TMEM132D: variants seen among roughly 807,000 people sequenced by gnomAD.
TMEM132D encodes transmembrane protein 132D.
In TMEM132D, 21 loss-of-function variants were observed where a neutral mutation model predicts 62.3. The ratio of observed to expected loss-of-function variants is 0.34; its 90% confidence interval spans 0.24 to 0.49. The LOEUF (loss-of-function observed/expected upper bound fraction) is 0.49, where lower values mean the gene tolerates loss of function less well. Among genes scored for constraint, TMEM132D ranks in the 20% least tolerant of loss-of-function variants. TMEM132D has a pLI of 0.99. For synonymous variants in TMEM132D, 621 were observed against 575.6 expected (o/e 1.08, Z -1.13); for missense variants, 1,346 against 1,402.8 (o/e 0.96, Z 0.65).
chr12:129,774,487 A>G (rs1182643536), intron 1 of TMEM132D, among the ~76,000 whole-genome samples: 1 of 152,110 alleles, frequency 6.6e-6, no homozygotes, highest in Non-Finnish European at 1.5e-5. Context: ...CATCTCCATC[A>G]AGCAGGTGGG....
At chr12:129,407,529 T>C (rs911888681) in intron 3 of TMEM132D, among the ~76,000 whole-genome samples, 33 of 152,320 alleles carry the variant, frequency 2.2e-4, no homozygotes, top group African/African-American at 7.0e-4. Context: ...TAATAGATAC[T>C]AAATTATTAA....
At chr12:129,534,593 T>C (rs1876327417) in intron 2 of TMEM132D, among the ~76,000 whole-genome samples, 1 of 152,156 alleles carries the variant, frequency 6.6e-6, no homozygotes, top group Non-Finnish European at 1.5e-5. Context: ...ATCTCTTTCC[T>C]GGATAGCAGT....
chr12:129,659,545 A>T (rs1028876216), intron 2 of TMEM132D, among the ~76,000 whole-genome samples: 2 of 152,116 alleles, frequency 1.3e-5, no homozygotes, highest in Non-Finnish European at 2.9e-5. Context: ...AAAAGTTGTT[A>T]TTTTGTGAAT....
chr12:129,352,480 T>C (rs570447527), intron 3 of TMEM132D, among the ~76,000 whole-genome samples: 4 of 150,742 alleles, frequency 2.7e-5, no homozygotes, highest in Admixed American at 2.0e-4. Context: ...GGCAACCTAC[T>C]GAATGGGAGA....
intron 1 of TMEM132D, among the ~76,000 whole-genome samples, chr12:129,743,882 C>T (rs1202189857): frequency 1.3e-5 from 2 of 152,174 alleles, no homozygotes; most frequent in African/African-American, 4.8e-5. Context: ...AGATTTTCCC[C>T]TTGAGCTTCC....
chr12:129,628,321 T>C (rs10773688), intron 2 of TMEM132D, among the ~76,000 whole-genome samples: 31,182 of 152,106 alleles, frequency 0.21, 3,914 homozygotes, highest in Admixed American at 0.28. Flanking sequence ...GTGTGCTGAG[T>C]TTCTGAGTGA....
chr12:129,461,824 A>G (rs138198474), intron 3 of TMEM132D, among the ~76,000 whole-genome samples: 196 of 152,192 alleles, frequency 1.3e-3, no homozygotes, highest in African/African-American at 4.6e-3. Context: ...AGGTACATAG[A>G]TAGAGAAATA....
rs1880792138 is a variant in TMEM132D, at chr12:129,269,416, TTCCTTCCTTCC to T, written c.1300-59764_1300-59754del. On this transcript the variant is annotated intron_variant, in intron 4 of 8. Coordinates refer to ENST00000422113, the MANE Select transcript of TMEM132D (RefSeq NM_133448.3). ...CTTTCCCTTCCCCTTCCCTTCCTTC[TTCCTTCCTTCC>T]ATCTCCCCTGTTAGATTCCTAGTTA... 2.6e-5 allele frequency among the ~76,000 whole-genome samples: 4 copies of T among 152,146 alleles called. No homozygotes were observed. The South Asian group carries it at 8.3e-4, about 32-fold the overall frequency.
chr12:129,526,202 A>G (rs1000255972), intron 3 of TMEM132D, among the ~76,000 whole-genome samples: 1 of 152,146 alleles, frequency 6.6e-6, no homozygotes, highest in South Asian at 2.1e-4. Context: ...TCATCATCCT[A>G]TGGAAATCCC....
intron 5 of TMEM132D, among the ~76,000 whole-genome samples, chr12:129,182,789 T>A (rs1013633479): frequency 2.0e-5 from 3 of 152,228 alleles, no homozygotes; most frequent in African/African-American, 7.2e-5. Context: ...GAATTGGATC[T>A]TCCAGTTGTT....
chr12:129,412,887 C>A (rs1458673822), intron 3 of TMEM132D, among the ~76,000 whole-genome samples: 2 of 152,062 alleles, frequency 1.3e-5, no homozygotes, highest in Non-Finnish European at 2.9e-5. Flanking sequence ...AGGAAGAAAG[C>A]CACACTTTTA....
At chr12:129,674,433 T>C (rs1880578886) in intron 2 of TMEM132D, among the ~76,000 whole-genome samples, 1 of 152,214 alleles carries the variant, frequency 6.6e-6, no homozygotes, top group Admixed American at 6.5e-5. Flanking sequence ...CTTTCAGACA[T>C]CTTTTCCCAA....
chr12:129,083,295 C>T (rs1450922669), intron 6 of TMEM132D, among the ~76,000 whole-genome samples: 2 of 152,160 alleles, frequency 1.3e-5, no homozygotes, highest in Non-Finnish European at 2.9e-5. Context: ...GTGCAGTTTG[C>T]CCTTTGATGG....
chr12:129,181,919 TTC>T (rs1253303878), intron 5 of TMEM132D, among the ~76,000 whole-genome samples: 2 of 152,218 alleles, frequency 1.3e-5, no homozygotes, highest in Non-Finnish European at 2.9e-5. Flanking sequence ...AGAGACAAAC[TTC>T]TCTGTTTTCT....
chr12:129,231,247 G>C (rs1271228229), intron 4 of TMEM132D, among the ~76,000 whole-genome samples: 2 of 152,204 alleles, frequency 1.3e-5, no homozygotes, highest in Non-Finnish European at 2.9e-5. Context: ...AGGGCTCTTA[G>C]GGCACTCCTT....
At chr12:129,701,161 G>C (rs1180749294) in intron 1 of TMEM132D, among the ~76,000 whole-genome samples, 2 of 152,148 alleles carry the variant, frequency 1.3e-5, no homozygotes, top group Non-Finnish European at 2.9e-5. Flanking sequence ...ATGGATTGAT[G>C]CCACGTCCAC....
chr12:129,496,261 G>T (rs941278711), intron 3 of TMEM132D, among the ~76,000 whole-genome samples: 4 of 152,184 alleles, frequency 2.6e-5, no homozygotes, highest in African/African-American at 9.7e-5. Context: ...GACGGCAGGG[G>T]TGAGTTTTCA....
intron 2 of TMEM132D, among the ~76,000 whole-genome samples, chr12:129,542,943 G>A (rs1020743063): frequency 6.6e-6 from 1 of 151,836 alleles, no homozygotes; most frequent in African/African-American, 2.4e-5. Context: ...AGAGCAATAG[G>A]CTATACCATA....
chr12:129,230,310 G>T lies in TMEM132D; in HGVS notation c.1300-20647C>A, dbSNP rs190718440. On this transcript the variant is annotated intron_variant, in intron 4 of 8. Coordinates refer to ENST00000422113, the MANE Select transcript of TMEM132D (RefSeq NM_133448.3). ...TCCTAAACTCCTTCTGTGTTGGAGG[G>T]GGGGGGCTCCCCAGCCTGGCCATCC... Among the ~76,000 whole-genome samples the T allele has an allele frequency of 5.7e-3, 853 of 149,790 alleles. 11 individuals carry two copies. The highest frequency in any genetic ancestry group is 0.032 in the South Asian group (151 of 4,670).
Sources: allele counts gnomAD v4.1 joint callset (sites outside exome capture counted in the v4.1 genomes callset), GRCh38; gene constraint gnomAD v4.1.1; transcripts MANE v1.5; gene names NCBI Gene and HGNC (gene_info 2026-07-23, HGNC 2026-07-21).